The following THBS4 variants were observed in gnomAD, a reference collection of about 807,000 sequenced individuals.
THBS4 encodes the protein thrombospondin-4.
A neutral mutation model predicts 115.7 loss-of-function variants in THBS4; 90 were observed. The observed-to-expected ratio is 0.78, with a 90% CI of 0.66 to 0.93. The LOEUF (loss-of-function observed/expected upper bound fraction) is 0.93. THBS4 is among the 40% of genes least tolerant of loss of function. The pLI, the probability that THBS4 is intolerant of heterozygous loss-of-function variation, is 0.00. For synonymous variants in THBS4, 460 were observed against 479.3 expected, an observed-to-expected ratio of 0.96 and a Z score of 0.53; for missense variants, 1,087 against 1,232.7, an observed-to-expected ratio of 0.88 and a Z score of 1.77.
Position 80,078,949 on chromosome 5 carries a change from G to A in THBS4, c.2294G>A (p.Ser765Asn), listed in dbSNP as rs1445224396. Residue 765 changes from serine to asparagine, a missense_variant, in exon 18 of 22, where the codon AGT becomes AAT. Around this residue, in one of 3 missense-constraint regions of THBS4, gnomAD observed 979 missense variants for 1,103.7 expected, o/e 0.89. Transcript: ENST00000350881. The part of the protein sequence containing the change: ...QGMEIVQTMN[S>N]DPGLAVGYTA... ...ATGGAGATTGTACAGACCATGAACA[G>A]TGATCCTGGCCTGGCAGTGGGTATG... is the stretch of plus-strand genomic sequence containing the variant. 4.3e-6 allele frequency: 7 copies of A among 1,614,176 alleles called. No homozygotes were observed. In the Admixed American group the frequency reaches 6.7e-5, roughly 15 times the overall value.
chr5:80,074,626 CTTTTT>C (rs35937190), intron 15 of THBS4, among the ~76,000 whole-genome samples: 5 of 142,538 alleles, frequency 3.5e-5, no homozygotes, highest in East Asian at 4.1e-4. Flanking sequence ...CTCTCTCTCT[CTTTTT>C]TTTTTTTTTT....
chr5:80,044,416 A>G (rs888053981), intron 2 of THBS4, among the ~76,000 whole-genome samples: 126 of 88,258 alleles, frequency 1.4e-3, no homozygotes, highest in African/African-American at 6.8e-3. Flanking sequence ...GTAGGTAATA[A>G]AAAAAAAATT....
intron 2 of THBS4, among the ~76,000 whole-genome samples, chr5:80,017,006 T>C (rs1472273634): frequency 2.0e-5 from 3 of 152,154 alleles, no homozygotes; most frequent in Non-Finnish European, 4.4e-5. Context: ...TTCCAAAGCA[T>C]TTAAGACAGA....
At chr5:80,030,012 A>G (rs568227494) in intron 2 of THBS4, among the ~76,000 whole-genome samples, 1 of 152,060 alleles carries the variant, frequency 6.6e-6, no homozygotes, top group Admixed American at 6.5e-5. Context: ...CACACTAATC[A>G]AAAGACTCCA....
At chr5:80,067,880 A>T in intron 9 of THBS4, 93 bp from the exon 10 acceptor site, 1 of 1,430,330 alleles carries the variant, frequency 7.0e-7, no homozygotes, top group Non-Finnish European at 9.5e-7. Context: ...AGCAATGAGT[A>T]CCTGTGAAAA....
At chr5:80,037,179 A>G (rs1832746567) in intron 1 of THBS4, among the ~76,000 whole-genome samples, 1 of 152,162 alleles carries the variant, frequency 6.6e-6, no homozygotes, top group Admixed American at 6.5e-5. Flanking sequence ...ATACAGCTTT[A>G]TGGTGTGCCT....
At chr5:79,998,653 A>G (rs1388942116) in intron 2 of THBS4, among the ~76,000 whole-genome samples, 2 of 152,230 alleles carry the variant, frequency 1.3e-5, no homozygotes, top group Non-Finnish European at 2.9e-5. Flanking sequence ...TAGATGTTAC[A>G]ATTGGGGGAA....
At chr5:80,080,577 A>ATTTTTTTTTTTTTTT (rs1743442985) in intron 20 of THBS4, among the ~76,000 whole-genome samples, 3 of 66,862 alleles carry the variant, frequency 4.5e-5, no homozygotes, top group East Asian at 1.3e-3. Flanking sequence ...CAGCGCTTGT[A>ATTTTTTTTTTTTTTT]TCTTTTTTTT....
At chr5:79,993,330 G>C (rs1012707109) in intron 1 of THBS4, among the ~76,000 whole-genome samples, 4 of 152,172 alleles carry the variant, frequency 2.6e-5, no homozygotes, top group Non-Finnish European at 4.4e-5. Flanking sequence ...CTGTTAGATT[G>C]AATTTAAAAA....
chr5:80,012,037 A>G (rs1272776245), intron 2 of THBS4, among the ~76,000 whole-genome samples: 2 of 152,132 alleles, frequency 1.3e-5, no homozygotes, highest in Admixed American at 6.5e-5. Flanking sequence ...TATTACCTGA[A>G]TGACAGAATA....
In THBS4 at chr5:80,083,284, A is replaced by C; in HGVS notation, c.*143A>C. 4.0e-6 allele frequency: 3 copies of C among 744,928 alleles called. No homozygotes were observed. In the South Asian group the frequency reaches 5.1e-5, roughly 13 times the overall value. 46.1% of individuals were successfully genotyped at this position (744,928 alleles called of 1,614,324 possible). Reference sequence around the variant, plus strand: ...AATAAAGGAGAAGAGATCATTTTTAAAAACCGTGTTGCTCAGACATTGCTC... The same window carrying C: ...AATAAAGGAGAAGAGATCATTTTTACAAACCGTGTTGCTCAGACATTGCTC... On this transcript the variant is annotated 3_prime_UTR_variant, in exon 22 of 22. Coordinates refer to ENST00000350881, the MANE Select transcript of THBS4 (RefSeq NM_003248.6).
chr5:80,082,378 G>T, intron 20 of THBS4, 28 bp from the exon 21 acceptor site: 1 of 1,611,008 alleles, frequency 6.2e-7, no homozygotes, highest in Non-Finnish European at 8.5e-7. Flanking sequence ...GGATTTCATG[G>T]AGGCCCCTCC....
chr5:79,991,983 CA>C (rs2151145716), intron 1 of THBS4, among the ~76,000 whole-genome samples: 1 of 152,294 alleles, frequency 6.6e-6, no homozygotes, highest in African/African-American at 2.4e-5. Flanking sequence ...CCTGTGCAGC[CA>C]CACAAGGCTC....
At chr5:79,997,244 G>A (rs888046820) in intron 1 of THBS4, among the ~76,000 whole-genome samples, 4 of 151,992 alleles carry the variant, frequency 2.6e-5, no homozygotes, top group Non-Finnish European at 5.9e-5. Context: ...ACAGAAATTG[G>A]CAGAGTGGAT....
At position 80,078,216 on chromosome 5, in the gene THBS4, G is replaced by A; in HGVS notation, c.2254G>A (p.Val752Ile). 6.3e-7 allele frequency: 1 copy of A among 1,585,254 alleles called. No homozygotes were observed. The highest frequency in any genetic ancestry group is 1.1e-5 in the South Asian group (1 of 88,386). ...GDAQIDPNWV[V>I]LNQGMEIVQT... is the part of the protein sequence containing the mutation. ...TGCCCAGATCGATCCCAACTGGGTG[G>A]TCCTGAACCAGGTGAGTGTCACATG... Residue 752 changes from valine to isoleucine, a missense_variant, in exon 17 of 22, where the codon GTC becomes ATC. Physicochemically the swap from Val to Ile is conservative, Grantham distance 29 (BLOSUM62 3). Around this residue, in one of 3 missense-constraint regions of THBS4, gnomAD observed 979 missense variants for 1,103.7 expected, o/e 0.89. Transcript: ENST00000350881.
chr5:80,071,109 T>A lies in THBS4; in HGVS notation c.1649T>A (p.Leu550Ter), dbSNP rs1191417613. 1 of 1,610,586 alleles carries A rather than the reference T, an allele frequency of 6.2e-7. No individual in the cohort carries two copies. The highest frequency in any genetic ancestry group is 8.5e-7 in the Non-Finnish European group (1 of 1,179,266). ...GCCTGTGATAACTGCCTGAGTGTCT[T>A]AAATAACGACCAGAAAGACACCGAT... ...GDACDNCLSV[L>*]NNDQKDTDGD... Residue 550 changes from leucine to a stop codon, truncating the protein, a stop_gained, in exon 13 of 22, where the codon TTA (leucine) becomes TAA (stop). Transcript: ENST00000350881. LOFTEE classifies it high-confidence loss of function.
chr5:80,014,926 C>T (rs1230328049), intron 2 of THBS4, among the ~76,000 whole-genome samples: 1 of 152,238 alleles, frequency 6.6e-6, no homozygotes, highest in African/African-American at 2.4e-5. Context: ...AAGAGTAGCA[C>T]TCAATAACTG....
At chr5:80,043,475 TCTC>T (rs1347588527) in intron 2 of THBS4, among the ~76,000 whole-genome samples, 2 of 152,288 alleles carry the variant, frequency 1.3e-5, no homozygotes, top group African/African-American at 4.8e-5. Flanking sequence ...GTTCAGCTGA[TCTC>T]CTCTTTTGCT....
At chr5:80,065,500 G>C (rs1833785455) in intron 9 of THBS4, 23 bp downstream of exon 9, 1 of 1,607,718 alleles carries the variant, frequency 6.2e-7, no homozygotes, top group Non-Finnish European at 8.5e-7. Context: ...CACAGCTGTT[G>C]TTATCAAAGC....
Sources: allele counts gnomAD v4.1 joint callset (sites outside exome capture counted in the v4.1 genomes callset), GRCh38; gene constraint gnomAD v4.1.1; regional missense constraint gnomAD v4.1.1; transcripts MANE v1.5; gene names NCBI Gene and HGNC (gene_info 2026-07-23, HGNC 2026-07-21).